SMIM7: variants seen among roughly 807,000 people sequenced by gnomAD.
SMIM7 encodes the protein small integral membrane protein 7, also known as UPF0608 protein C19orf42.
In SMIM7, 12 loss-of-function variants were observed where a neutral mutation model predicts 13.3. That is an observed-to-expected ratio of 0.90 (90% CI 0.58 to 1.46). The LOEUF is 1.46. Ranked by LOEUF, SMIM7 falls within the 40% of genes most tolerant of loss-of-function variation. The probability of loss-of-function intolerance (pLI) is 0.00; values close to 1 mark genes in which losing one functional copy is unlikely to be tolerated. For synonymous variants in SMIM7, 36 were observed against 35.8 expected (o/e 1.01, Z -0.02); for missense variants, 114 against 94.8 (o/e 1.20, Z -0.84).
rs3833227 is a variant in SMIM7, at chr19:16,652,783, CCT to C, written c.212+1250_212+1251del. ...TCACTCAGGACAGACAACTTTTTGT[CCT>C]CTCTCTTTCTGGGGGAAGCATACAG... On this transcript the variant is annotated intron_variant, in intron 4 of 4. Coordinates refer to ENST00000487416, the MANE Select transcript of SMIM7 (RefSeq NM_024104.4). The C allele has an allele frequency of 1.5e-5, 23 of 1,511,582 alleles. No individual in the cohort carries two copies. The East Asian group carries it at 5.4e-4, about 36-fold the overall frequency. The allele number at this position is 1,511,582 out of a possible 1,614,324, so 93.6% of individuals were successfully genotyped here. A position where few individuals can be genotyped will look rare whatever the true frequency, so the allele number is the denominator to read the frequency against.
intron 4 of SMIM7, among the ~76,000 whole-genome samples, chr19:16,650,093 T>C (rs1186373750): frequency 1.3e-5 from 2 of 152,322 alleles, no homozygotes; most frequent in Admixed American, 6.5e-5. Flanking sequence ...TACCGGATTG[T>C]GAAGACAGAC....
chr19:16,645,238 A>G (rs1392455342), downstream of SMIM7: 2 of 152,066 alleles, frequency 1.3e-5, no homozygotes, highest in East Asian at 3.9e-4. Context: ...AAAGAGGACT[A>G]TTGAAACAAA....
At chr19:16,653,349 G>A (rs946024822) in intron 4 of SMIM7, among the ~76,000 whole-genome samples, 2 of 151,846 alleles carry the variant, frequency 1.3e-5, no homozygotes, top group Non-Finnish European at 2.9e-5. Flanking sequence ...TTGGGAGGCC[G>A]AGGCAGGTGG....
chr19:16,652,499 G>A, intron 4 of SMIM7: 1 of 1,018,670 alleles, frequency 9.8e-7, no homozygotes, highest in Admixed American at 5.2e-5. Context: ...ACTGCCCCTG[G>A]CCGTTCCTAC....
intron 4 of SMIM7, among the ~76,000 whole-genome samples, chr19:16,635,993 A>T (rs1342891378): frequency 6.6e-6 from 1 of 151,024 alleles, no homozygotes; most frequent in Non-Finnish European, 1.5e-5. Flanking sequence ...TCCCCATCCC[A>T]ATCCCCAGAA....
At chr19:16,654,989 TA>T (rs2086577638) in intron 3 of SMIM7, among the ~76,000 whole-genome samples, 1 of 151,770 alleles carries the variant, frequency 6.6e-6, no homozygotes, top group South Asian at 2.1e-4. Context: ...AAAACCAACA[TA>T]AAAGAAAGGG....
At chr19:16,645,322 C>T (rs2086438948), downstream of SMIM7, 1 of 152,230 alleles carries the variant, frequency 6.6e-6, no homozygotes. Flanking sequence ...CTCATTGAGA[C>T]CTCCGCGCCA....
At chr19:16,635,897 A>ATAT (rs1219247102) in intron 4 of SMIM7, among the ~76,000 whole-genome samples, 86 of 123,790 alleles carry the variant, frequency 6.9e-4, no homozygotes, top group African/African-American at 1.0e-3. Flanking sequence ...AAAAAAAAAA[A>ATAT]AAATATATAT....
chr19:16,637,830 G>A (rs1251426156), intron 4 of SMIM7, among the ~76,000 whole-genome samples: 5 of 152,214 alleles, frequency 3.3e-5, no homozygotes, highest in Non-Finnish European at 5.9e-5. Context: ...ATCTGTTATG[G>A]ACTGAATTGT....
chr19:16,659,981 C>G lies in SMIM7; in HGVS notation c.46G>C (p.Gly16Arg), dbSNP rs768784994. 9 of 1,613,420 alleles carry G rather than the reference C, an allele frequency of 5.6e-6. No individual in the cohort carries two copies. The East Asian group carries it at 8.9e-5, about 16-fold the overall frequency. Residue 16 changes from glycine (G) to arginine (R), a missense_variant, in exon 2 of 5, where the codon GGG (glycine) becomes CGG (arginine). Transcript: ENST00000487416. ...CACAGCTTAAAGTTCAGCACCGCCC[C>G]GGCATTCATCAGCAACGTCCTGCAG... is the stretch of plus-strand genomic sequence containing the variant. The part of the protein sequence containing the change: ...LLFGTLLMNA[G>R]AVLNFKLKKK...
intron 4 of SMIM7, among the ~76,000 whole-genome samples, chr19:16,649,900 T>C (rs1042966706): frequency 1.3e-5 from 2 of 152,110 alleles, no homozygotes; most frequent in East Asian, 1.9e-4. Flanking sequence ...ACTCCATTTA[T>C]ATAAACTGTC....
intron 4 of SMIM7, among the ~76,000 whole-genome samples, chr19:16,632,558 G>C (rs758611509): frequency 1.5e-5 from 2 of 134,852 alleles, no homozygotes; most frequent in Non-Finnish European, 3.1e-5. Flanking sequence ...TTTTTTTTGA[G>C]GCAGAGTCTC....
chr19:16,636,732 G>T (rs1425599640), intron 4 of SMIM7, among the ~76,000 whole-genome samples: 3 of 152,186 alleles, frequency 2.0e-5, no homozygotes, highest in Non-Finnish European at 2.9e-5. Context: ...TGGGAGGACT[G>T]CTTGAGCCTG....
chr19:16,635,690 T>A (rs2086353408), intron 4 of SMIM7, among the ~76,000 whole-genome samples: 1 of 151,694 alleles, frequency 6.6e-6, no homozygotes, highest in Admixed American at 6.6e-5. Flanking sequence ...GAGACCAGCC[T>A]GGCCAACATG....
At chr19:16,659,781 G>C (rs73006566) in intron 2 of SMIM7, 178 bp downstream of exon 2, 55,902 of 786,606 alleles carry the variant, frequency 0.071, 2,479 homozygotes, top group African/African-American at 0.14. Flanking sequence ...TGGGTTTAAG[G>C]TCTCTCGGGG....
At chr19:16,635,478 C>T (rs538716505) in intron 4 of SMIM7, among the ~76,000 whole-genome samples, 2 of 151,910 alleles carry the variant, frequency 1.3e-5, no homozygotes, top group South Asian at 4.2e-4. Flanking sequence ...TGCTGATGTC[C>T]AAAACCAACT....
intron 4 of SMIM7, chr19:16,652,604 C>A: frequency 2.4e-6 from 3 of 1,258,442 alleles, no homozygotes; most frequent in Admixed American, 3.9e-5. Flanking sequence ...AGGTAGGATA[C>A]CTTGGCAACA....
chr19:16,647,600 C>T (rs751582221), intron 4 of SMIM7, among the ~76,000 whole-genome samples: 5 of 150,738 alleles, frequency 3.3e-5, no homozygotes, highest in South Asian at 2.1e-4. Context: ...CAATTACAGG[C>T]GCCTGCCACC....
chr19:16,633,405 G>A (rs2086335992), intron 4 of SMIM7, among the ~76,000 whole-genome samples: 1 of 146,688 alleles, frequency 6.8e-6, no homozygotes, highest in African/African-American at 2.5e-5. Context: ...GCAGTGAGCT[G>A]AGATGGTGCC....
Sources: allele counts gnomAD v4.1 joint callset (sites outside exome capture counted in the v4.1 genomes callset), GRCh38; gene constraint gnomAD v4.1.1; transcripts MANE v1.5; gene names NCBI Gene and HGNC (gene_info 2026-07-23, HGNC 2026-07-21).